The following NBR1 variants were observed in gnomAD, a reference collection of about 807,000 sequenced individuals.
The protein encoded by NBR1 is NBR1 autophagy cargo receptor, also known as next to BRCA1 gene 1 protein.
Under a neutral mutation model 115.5 loss-of-function variants are expected in NBR1, and 59 were observed. The observed-to-expected ratio is 0.51, with a 90% CI of 0.41 to 0.63. NBR1 has a LOEUF of 0.63. NBR1 is among the 30% of genes least tolerant of loss of function. The pLI is 0.00. For missense variants in NBR1, 1,043 were observed against 1,150.5 expected (o/e 0.91, Z 1.35); for synonymous variants, 373 against 414.7 (o/e 0.90, Z 1.22).
In NBR1 at chr17:43,189,788, C is replaced by T. The variant is rs1407788524; in HGVS notation, c.681C>T (p.Val227=). Residue 227 remains valine (V), a synonymous_variant, in exon 8 of 21, where the codon GTC becomes GTT. Transcript: ENST00000590996. ...ACTGCCAAAGAAGGATTGTTGGTGT[C>T]CGCTACCAGTGTAGGTAAGCAGTTG... ...CNNCQRRIVG[V]RYQCSLCPSY... is the part of the protein sequence containing the mutation. 1 of 1,613,658 alleles carries T rather than the reference C, an allele frequency of 6.2e-7. No individual in the cohort carries two copies. Among genetic ancestry groups the T allele is most frequent in the Non-Finnish European group, 8.5e-7 (1 of 1,179,866 alleles).
intron 1 of NBR1, among the ~76,000 whole-genome samples, 200 bp downstream of exon 1, chr17:43,171,502 A>T (rs1174665662): frequency 1.3e-5 from 2 of 152,158 alleles, no homozygotes; most frequent in African/African-American, 4.8e-5. Context: ...AGAGTTGGAG[A>T]GTCTGTGGGT....
chr17:43,187,567 G>A (rs985924511), intron 6 of NBR1, among the ~76,000 whole-genome samples: 2 of 136,524 alleles, frequency 1.5e-5, no homozygotes, highest in Non-Finnish European at 3.1e-5. Flanking sequence ...GGAGTACAGT[G>A]GCGTGATCTT....
intron 8 of NBR1, 36 bp from the exon 9 acceptor site, chr17:43,190,573 T>A: frequency 6.4e-7 from 1 of 1,551,440 alleles, no homozygotes; most frequent in South Asian, 1.2e-5. Flanking sequence ...TACTTCCTAT[T>A]CTGCCATTGT....
At chr17:43,171,005 T>A (rs1415712291), upstream of NBR1, 1 of 152,290 alleles carries the variant, frequency 6.6e-6, no homozygotes, top group Non-Finnish European at 1.5e-5. Context: ...AAATCCGCTC[T>A]GGCCCACATC....
chr17:43,190,463 A>G (rs1597988337), intron 8 of NBR1, 146 bp from the exon 9 acceptor site: 2 of 766,514 alleles, frequency 2.6e-6, no homozygotes, highest in East Asian at 5.4e-5. Flanking sequence ...ATTAATGAGG[A>G]AAATTGAGGC....
chr17:43,200,354 G>C lies in NBR1; in HGVS notation c.2214G>C (p.Glu738Asp). 2 of 1,558,136 alleles carry C rather than the reference G, an allele frequency of 1.3e-6. No homozygotes were observed. Among genetic ancestry groups the C allele is most frequent in the Non-Finnish European group, 1.7e-6 (2 of 1,150,720 alleles). Residue 738 changes from glutamate (E) to aspartate (D), a missense_variant, in exon 17 of 21, where the codon GAG becomes GAC. Glu to Asp is a conservative substitution (Grantham distance 45). Transcript: ENST00000590996. The stretch of plus-strand genomic sequence containing the variant: ...AGGATTACATCATCATCCTGCCTGA[G>C]TGCTTTGATACCAGCCGCCCCCTGG... The part of the protein sequence containing the change: ...SSEDYIIILP[E>D]CFDTSRPLGD...
At chr17:43,174,049 G>T (rs2056444995) in intron 1 of NBR1, among the ~76,000 whole-genome samples, 1 of 152,104 alleles carries the variant, frequency 6.6e-6, no homozygotes. Context: ...TTGTTAACTT[G>T]TTAGGCATGA....
intron 14 of NBR1, 109 bp from the exon 15 acceptor site, chr17:43,196,372 T>C: frequency 1.5e-6 from 1 of 651,744 alleles, no homozygotes; most frequent in Non-Finnish European, 2.5e-6. Flanking sequence ...CTTGGTTTAT[T>C]TTAGCCCTGC....
At chr17:43,201,576 A>G (rs1440208814) in intron 17 of NBR1, 110 bp from the exon 18 acceptor site, 20 of 672,868 alleles carry the variant, frequency 3.0e-5, no homozygotes, top group Non-Finnish European at 4.8e-5. Flanking sequence ...TGGATCAGAA[A>G]TGTGAAGCCT....
At chr17:43,183,996 T>A (rs1481049936) in intron 5 of NBR1, among the ~76,000 whole-genome samples, 1 of 151,872 alleles carries the variant, frequency 6.6e-6, no homozygotes, top group African/African-American at 2.4e-5. Context: ...TTTAAAAAGT[T>A]TTTTTTCACT....
intron 17 of NBR1, among the ~76,000 whole-genome samples, chr17:43,201,026 A>G (rs2057186736): frequency 6.6e-6 from 1 of 152,030 alleles, no homozygotes; most frequent in East Asian, 1.9e-4. Context: ...GGGCCACCAC[A>G]CCTAGCTAAT....
chr17:43,201,849 C>A, intron 18 of NBR1, 69 bp downstream of exon 18: 1 of 890,008 alleles, frequency 1.1e-6, no homozygotes, highest in Non-Finnish European at 1.8e-6. Flanking sequence ...TATAAATAGC[C>A]TCTCTCTCTT....
chr17:43,199,384 T>A (rs958659255), intron 16 of NBR1, among the ~76,000 whole-genome samples: 43 of 147,460 alleles, frequency 2.9e-4, no homozygotes, highest in South Asian at 4.2e-4. Context: ...CTGGGTAGCT[T>A]TTTTTTTTTT....
chr17:43,190,093 CTTTTTT>C, intron 8 of NBR1: 16 of 213,924 alleles, frequency 7.5e-5, no homozygotes, highest in East Asian at 2.2e-4. Flanking sequence ...TTCCAAATGC[CTTTTTT>C]TTTTTTTTTT....
At chr17:43,203,343 A>G (rs2057244665) in intron 19 of NBR1, among the ~76,000 whole-genome samples, 1 of 152,218 alleles carries the variant, frequency 6.6e-6, no homozygotes, top group South Asian at 2.1e-4. Context: ...TTCCTTTGCA[A>G]GGTGTTTTCT....
At chr17:43,176,440 C>T (rs2056519818) in intron 2 of NBR1, 1 of 152,268 alleles carries the variant, frequency 6.6e-6, no homozygotes, top group South Asian at 2.1e-4. Flanking sequence ...CCTTTGTACT[C>T]TTCTGTTTTT....
rs749285233 is a variant in NBR1 at position 43,201,675 on chromosome 17, CT to C, written c.2469-8del. 1.9e-6 allele frequency: 3 copies of C among 1,541,044 alleles called. No homozygotes were observed. The East Asian group carries it at 6.7e-5, about 35-fold the overall frequency. On this transcript the variant is annotated splice_polypyrimidine_tract_variant and intron_variant, in intron 17 of 20. Transcript: ENST00000590996. ...TTTCAATTTACTTTCCATATTGTGT[CT>C]TTCTGAAAGGAGCTCTCCTTGTGTA...
chr17:43,208,654 CTG>C (rs2057360488), intron 20 of NBR1, among the ~76,000 whole-genome samples: 1 of 152,162 alleles, frequency 6.6e-6, no homozygotes, highest in Non-Finnish European at 1.5e-5. Context: ...TATCCCCAGT[CTG>C]TGAAATTGGG....
At chr17:43,190,507 G>A in intron 8 of NBR1, 102 bp from the exon 9 acceptor site, 1 of 1,293,628 alleles carries the variant, frequency 7.7e-7, no homozygotes, top group South Asian at 1.3e-5. Context: ...CAGGTTACCT[G>A]CTAGTTGGTA....
Sources: gnomAD v4.1 joint callset for allele counts (sites outside exome capture counted in the v4.1 genomes callset) on GRCh38, gnomAD v4.1.1 for gene constraint, MANE v1.5 for transcripts, NCBI Gene and HGNC (gene_info 2026-07-23, HGNC 2026-07-21) for gene names.